NBEAL2: variants seen among roughly 807,000 people sequenced by gnomAD.
NBEAL2 encodes the protein neurobeachin-like protein 2.
NBEAL2 carries 160 observed loss-of-function variants against 299.8 expected under a neutral mutation model. The observed-to-expected ratio is 0.53, with a 90% CI of 0.47 to 0.61. The LOEUF is 0.61. Ranked by LOEUF, NBEAL2 falls within the 20% of genes least tolerant of loss-of-function variation. The pLI is 0.00. For missense variants in NBEAL2, 3,112 were observed against 3,649.0 expected (o/e 0.85, Z 3.79); for synonymous variants, 1,493 against 1,542.3 (o/e 0.97, Z 0.75).
Position 46,999,239 on chromosome 3 carries a change from C to T in NBEAL2, c.3544-76C>T, listed in dbSNP as rs530996095. 4.1e-5 allele frequency: 63 copies of T among 1,547,700 alleles called. 1 individual carries two copies. In the African/African-American group the frequency reaches 4.8e-4, roughly 12 times the overall value. On this transcript the variant is annotated intron_variant, in intron 24 of 53. Transcript: ENST00000450053. ...CTGCCTTCAAGGGCCTCTTGAGCCA[C>T]ACACCTGCACGGTGACTTCCCCTCC...
rs777660924 is a variant in NBEAL2, at chr3:46,995,762, C to T, written c.1947C>T (p.Ala649=). The T allele has an allele frequency of 3.1e-6, 5 of 1,613,694 alleles. No homozygotes were observed. Among genetic ancestry groups the T allele is most frequent in the Admixed American group, 3.3e-5 (2 of 60,014 alleles). ...GSGFEAFFTA[A]GTLVVAVCTR... ...GGTTTGAGGCCTTCTTCACGGCGGC[C>T]GGGACCCTGGTGGTGGCTGTGTGCA... The change falls in exon 14 of 54, where the codon GCC becomes GCT. Residue 649 remains alanine (A), a synonymous_variant. Transcript: ENST00000450053.
In NBEAL2 at chr3:47,002,120, C is replaced by T; in HGVS notation, c.4983C>T (p.Cys1661=). The T allele has an allele frequency of 6.4e-7, 1 of 1,550,714 alleles. No individual in the cohort carries two copies. The highest frequency in any genetic ancestry group is 8.7e-7 in the Non-Finnish European group (1 of 1,147,110). ...AAAAAAAAER[C]SWLVPLVRTL... is the part of the protein sequence containing the mutation. ...CAGCTGCAGCAGCTGCAGAGCGCTG[C>T]TCCTGGCTGGTGCCACTGGTGCGCA... The change falls in exon 31 of 54, where the codon TGC becomes TGT. Residue 1661 remains cysteine (C), a synonymous_variant. Coordinates refer to ENST00000450053, the MANE Select transcript of NBEAL2 (RefSeq NM_015175.3).
In NBEAL2 at chr3:46,988,686, G is replaced by A. The variant is rs1286572361; in HGVS notation, c.69G>A (p.Leu23=). Reference sequence around the variant, plus strand: ...GCCTACAGAAGGACCTGGGTTACCTGCAGCAGTGGCTGAAGGCCTTTGTAG... The same window carrying A: ...GCCTACAGAAGGACCTGGGTTACCTACAGCAGTGGCTGAAGGCCTTTGTAG... The part of the protein sequence containing the change: ...LYYAQKDLGY[L]QQWLKAFVGA... Residue 23 remains leucine (L), a synonymous_variant, in exon 2 of 54, where the codon CTG becomes CTA. Coordinates refer to ENST00000450053, the MANE Select transcript of NBEAL2 (RefSeq NM_015175.3). The surrounding 1 kb of genome is among the most constrained non-coding windows in gnomAD (Gnocchi z 4.4). The A allele has an allele frequency of 1.2e-6, 2 of 1,613,770 alleles. No individual in the cohort carries two copies. Among genetic ancestry groups the A allele is most frequent in the Non-Finnish European group, 1.7e-6 (2 of 1,179,822 alleles).
intron 41 of NBEAL2, 50 bp from the exon 42 acceptor site, chr3:47,005,688 G>A (rs2037383129): frequency 3.7e-6 from 6 of 1,612,856 alleles, no homozygotes; most frequent in Non-Finnish European, 5.1e-6. Context: ...GAGTGGCCAG[G>A]GGGCAGTCGG....
Position 47,000,008 on chromosome 3 carries a change from T to A in NBEAL2, c.3909T>A (p.Pro1303=). Residue 1303 remains proline (P), a synonymous_variant, in exon 27 of 54, where the codon CCT becomes CCA. Transcript: ENST00000450053. The surrounding 1 kb of genome is among the most constrained non-coding windows in gnomAD (Gnocchi z 4.5). ...VLEAATAGSP[P]PSSPESPTSP... ...AGGCTGCCACAGCCGGCAGCCCCCC[T>A]CCGTCTTCCCCAGAGTCACCTACCT... The A allele has an allele frequency of 6.2e-7, 1 of 1,611,072 alleles. No individual in the cohort carries two copies. The highest frequency in any genetic ancestry group is 8.5e-7 in the Non-Finnish European group (1 of 1,179,558).
intron 33 of NBEAL2, 65 bp downstream of exon 33, chr3:47,002,867 GAGCCCC>G: frequency 1.9e-6 from 3 of 1,564,714 alleles, no homozygotes; most frequent in Non-Finnish European, 2.6e-6. Flanking sequence ...GAGCCACCTG[GAGCCCC>G]AGACTGCCTT....
chr3:46,998,637 G>T, intron 22 of NBEAL2, 72 bp downstream of exon 22: 1 of 1,561,988 alleles, frequency 6.4e-7, no homozygotes. Flanking sequence ...ACTGGGCGGT[G>T]CGCTTCCCTG....
rs758869646 is a variant in NBEAL2 at position 46,995,879 on chromosome 3, G to A, written c.2031+33G>A. ...CCCATCCTTCTCATGTGGCCCAGTA[G>A]AGAGAGGGGTGCTGAGTCCCAAGTA... On this transcript the variant is annotated intron_variant, in intron 14 of 53. Coordinates refer to ENST00000450053, the MANE Select transcript of NBEAL2 (RefSeq NM_015175.3). 10 of 1,613,456 alleles carry A rather than the reference G, an allele frequency of 6.2e-6. No individual in the cohort carries two copies. In the South Asian group the frequency reaches 1.1e-4, roughly 18 times the overall value.
In NBEAL2 at chr3:46,991,755, A is replaced by G. The variant is rs1447655651; in HGVS notation, c.925+67A>G. On this transcript the variant is annotated intron_variant, in intron 8 of 53. Transcript: ENST00000450053. This position sits in a 1 kb window ranked among gnomAD's most constrained non-coding sequence, Gnocchi z 6.2. ...AGGGAAAAGCCTAAGTGATGATGGA[A>G]GGTCTGGATAGGGCAGCATAGGAAG... The G allele has an allele frequency of 1.5e-5, 23 of 1,563,326 alleles. No individual in the cohort carries two copies. Among genetic ancestry groups the G allele is most frequent in the Non-Finnish European group, 2.0e-5 (23 of 1,154,042 alleles).
Position 46,982,601 on chromosome 3 carries a change from G to A in NBEAL2, c.51+2689G>A, listed in dbSNP as rs2035421243. Among the ~76,000 whole-genome samples the A allele has an allele frequency of 1.3e-5, 2 of 152,170 alleles. No homozygotes were observed. Among genetic ancestry groups the A allele is most frequent in the Non-Finnish European group, 2.9e-5 (2 of 68,018 alleles). On this transcript the variant is annotated intron_variant, in intron 1 of 53. Coordinates refer to ENST00000450053, the MANE Select transcript of NBEAL2 (RefSeq NM_015175.3). This position sits in a 1 kb window ranked among gnomAD's most constrained non-coding sequence, Gnocchi z 4.2. ...GGAAACCAAGGCAGGGTCCTACTACGATTGTCAGACCTCACATGCAGTAGG... is the reference window on the plus strand; with the variant it reads ...GGAAACCAAGGCAGGGTCCTACTACAATTGTCAGACCTCACATGCAGTAGG...
Position 47,002,472 on chromosome 3 carries a change from T to C in NBEAL2, c.5253T>C (p.Ser1751=). 1 of 1,613,118 alleles carries C rather than the reference T, an allele frequency of 6.2e-7. No homozygotes were observed. Among genetic ancestry groups the C allele is most frequent in the Non-Finnish European group, 8.5e-7 (1 of 1,179,884 alleles). ...CCTGCTATGACATGCTTATGAGCAG[T>C]GGGCAGCGGCGCCAGTGGGAGCGCG... ...WNACYDMLMS[S]GQRRQWERAQ... Residue 1751 remains serine, a synonymous_variant, in exon 32 of 54, where the codon AGT becomes AGC. Coordinates refer to ENST00000450053, the MANE Select transcript of NBEAL2 (RefSeq NM_015175.3).
chr3:47,006,417 C>A lies in NBEAL2; in HGVS notation c.7102C>A (p.His2368Asn). 6.3e-7 allele frequency: 1 copy of A among 1,591,860 alleles called. No homozygotes were observed. The highest frequency in any genetic ancestry group is 2.3e-5 in the East Asian group (1 of 43,918). Residue 2368 changes from histidine to asparagine, a missense_variant, in exon 45 of 54, where the codon CAC becomes AAC. His to Asn is a moderately conservative substitution (Grantham distance 68, BLOSUM62 1). Transcript: ENST00000450053. ...CACTAACTCACCTAGCATCTTCCAGCACCTGGACGAACTCAAGGCATTCTT... is the reference window on the plus strand; with the variant it reads ...CACTAACTCACCTAGCATCTTCCAGAACCTGGACGAACTCAAGGCATTCTT... Reference protein sequence around the residue: ...LDTNSPSIFQHLDELKAFFAE... With the variant: ...LDTNSPSIFQNLDELKAFFAE...
At position 46,979,799 on chromosome 3, in the gene NBEAL2, G is replaced by A; in HGVS notation, c.-63G>A. 1 of 389,682 alleles carries A rather than the reference G, an allele frequency of 2.6e-6. No homozygotes were observed. The highest frequency in any genetic ancestry group is 4.5e-6 in the Non-Finnish European group (1 of 221,804). 24.1% of individuals were successfully genotyped at this position (389,682 alleles called of 1,614,324 possible). ...CCCATGGGCCTGGCCGAGGGCAACC[G>A]GCGGGCGGCGCGGAGGAGGCGGCGA... On this transcript the variant is annotated 5_prime_UTR_variant, in exon 1 of 54. Transcript: ENST00000450053.
rs1265343986 is a variant in NBEAL2 at position 47,004,659 on chromosome 3, G to C, written c.6294+69G>C. On this transcript the variant is annotated intron_variant, in intron 38 of 53. Transcript: ENST00000450053. The surrounding 1 kb of genome is among the most constrained non-coding windows in gnomAD (Gnocchi z 5.0). ...CTGTCAGCCCTTGGTTCCCCCAAGT[G>C]TAGGTACCTGCCAGTGGGCCAAGCT... 2 of 1,481,306 alleles carry C rather than the reference G, an allele frequency of 1.4e-6. No homozygotes were observed. Among genetic ancestry groups the C allele is most frequent in the Admixed American group, 1.7e-5 (1 of 59,130 alleles). 91.8% of individuals were successfully genotyped at this position (1,481,306 alleles called of 1,614,324 possible).
At chr3:47,006,473 CTT>C in intron 45 of NBEAL2, 24 bp downstream of exon 45, 1 of 1,547,658 alleles carries the variant, frequency 6.5e-7, no homozygotes, top group African/African-American at 1.4e-5. Flanking sequence ...AAGACCTCAA[CTT>C]TATATTCTGT....
chr3:46,990,174 G>A (rs1482754633), intron 6 of NBEAL2, among the ~76,000 whole-genome samples: 1 of 152,150 alleles, frequency 6.6e-6, no homozygotes, highest in Admixed American at 6.5e-5. Context: ...TGAAAAGGTG[G>A]TGACCTATTG....
chr3:47,001,255 T>A lies in NBEAL2; in HGVS notation c.4485-24T>A. The A allele has an allele frequency of 6.2e-7, 1 of 1,601,108 alleles. No individual in the cohort carries two copies. Among genetic ancestry groups the A allele is most frequent in the Non-Finnish European group, 8.5e-7 (1 of 1,170,864 alleles). On this transcript the variant is annotated intron_variant, in intron 28 of 53. Transcript: ENST00000450053. This position sits in a 1 kb window ranked among gnomAD's most constrained non-coding sequence, Gnocchi z 6.1. The stretch of plus-strand genomic sequence containing the variant: ...GGAGAGAAGATAGTCAGGTAGACCC[T>A]TGAGTTCCCCACTCACCCGCCAGCC...
At position 47,004,695 on chromosome 3, in the gene NBEAL2, T is replaced by G; in HGVS notation, c.6294+105T>G. On this transcript the variant is annotated intron_variant, in intron 38 of 53. Coordinates refer to ENST00000450053, the MANE Select transcript of NBEAL2 (RefSeq NM_015175.3). The surrounding 1 kb of genome is among the most constrained non-coding windows in gnomAD (Gnocchi z 5.0). ...CCAGTGGGCCAAGCTCTGAGCTTGG[T>G]CAAGGGTAGATGTGCCAATGAAGAC... 8.0e-7 allele frequency: 1 copy of G among 1,253,634 alleles called. No individual in the cohort carries two copies. Among genetic ancestry groups the G allele is most frequent in the Non-Finnish European group, 1.2e-6 (1 of 865,244 alleles). 77.7% of individuals were successfully genotyped at this position (1,253,634 alleles called of 1,614,324 possible).
intron 33 of NBEAL2, 44 bp downstream of exon 33, chr3:47,002,846 T>C: frequency 2.1e-6 from 1 of 466,122 alleles, no homozygotes. Flanking sequence ...GGGTGGGGCT[T>C]GGGAGGGAGG....
Sources: gnomAD v4.1 joint callset for allele counts (sites outside exome capture counted in the v4.1 genomes callset) on GRCh38, gnomAD v4.1.1 for gene constraint, Gnocchi (gnomAD v3.1) non-coding constraint, MANE v1.5 for transcripts, NCBI Gene and HGNC (gene_info 2026-07-23, HGNC 2026-07-21) for gene names.